Variants in TCAIM observed in about 807,000 individuals in gnomAD.
TCAIM encodes the protein T-cell activation inhibitor, mitochondrial.
A neutral mutation model predicts 58.6 loss-of-function variants in TCAIM; 36 were observed. The ratio of observed to expected loss-of-function variants is 0.61; its 90% CI spans 0.47 to 0.81. TCAIM has a LOEUF of 0.81. Among genes scored for constraint, TCAIM ranks in the 30% least tolerant of loss-of-function variants. The pLI, the probability that TCAIM is intolerant of heterozygous loss-of-function variation, is 0.00. For synonymous variants in TCAIM, 172 were observed against 193.6 expected, an observed-to-expected ratio of 0.89 and a Z score of 0.93; for missense variants, 466 against 579.6, an observed-to-expected ratio of 0.80 and a Z score of 2.01.
At chr3:44,352,207 T>C (rs1701107451) in intron 1 of TCAIM, among the ~76,000 whole-genome samples, 1 of 151,710 alleles carries the variant, frequency 6.6e-6, no homozygotes, top group African/African-American at 2.4e-5. Context: ...TCCACAAGAA[T>C]GGAATAATGG....
chr3:44,344,995 A>G (rs1700936119), intron 1 of TCAIM, among the ~76,000 whole-genome samples: 1 of 152,112 alleles, frequency 6.6e-6, no homozygotes, highest in South Asian at 2.1e-4. Context: ...ATCTGGATGT[A>G]TACGTTCAGG....
chr3:44,378,393 C>G lies in TCAIM; in HGVS notation c.572+10685C>G, dbSNP rs555959868. 1.4e-3 allele frequency among the ~76,000 whole-genome samples: 214 copies of G among 151,360 alleles called. 1 individual carries two copies. Among genetic ancestry groups the G allele is most frequent in the Middle Eastern group, 3.5e-3 (1 of 288 alleles). On this transcript the variant is annotated intron_variant, in intron 5 of 10. Coordinates refer to ENST00000342649, the MANE Select transcript of TCAIM (RefSeq NM_173826.4). ...AGACTCTGTCCCCAACCCTACCCCC[C>G]CAAAAAAAAAATTTTACAAGCAAAA...
chr3:44,380,566 A>G (rs1701639911), intron 5 of TCAIM, among the ~76,000 whole-genome samples: 1 of 152,176 alleles, frequency 6.6e-6, no homozygotes. Context: ...TCAACAATCT[A>G]ACTGTACACC....
intron 1 of TCAIM, among the ~76,000 whole-genome samples, chr3:44,349,404 T>A (rs1016985304): frequency 6.6e-6 from 1 of 152,096 alleles, no homozygotes; most frequent in Admixed American, 6.5e-5. Flanking sequence ...GGTTTTAGGT[T>A]AGGTGTGAGT....
intron 4 of TCAIM, among the ~76,000 whole-genome samples, chr3:44,366,463 G>GTTTT (rs11310204): frequency 3.9e-4 from 32 of 83,018 alleles, no homozygotes; most frequent in African/African-American, 8.9e-4. Flanking sequence ...AATTTTTGTT[G>GTTTT]TTTTTTTTTT....
chr3:44,343,747 A>G (rs1249106506), intron 1 of TCAIM, among the ~76,000 whole-genome samples: 2 of 152,158 alleles, frequency 1.3e-5, no homozygotes, highest in Non-Finnish European at 2.9e-5. Context: ...GAAAACACCT[A>G]ATTCTCAACC....
chr3:44,362,574 C>A (rs778097272), intron 4 of TCAIM: 2 of 395,984 alleles, frequency 5.1e-6, no homozygotes, highest in Non-Finnish European at 4.5e-6. Flanking sequence ...TCAGGAGTCA[C>A]AAATTCCTTT....
chr3:44,354,537 C>G (rs1200509536), intron 1 of TCAIM, among the ~76,000 whole-genome samples: 1 of 152,116 alleles, frequency 6.6e-6, no homozygotes, highest in Non-Finnish European at 1.5e-5. Flanking sequence ...TCTTGCTATC[C>G]ATGAACATGG....
chr3:44,398,360 A>G (rs6441839), intron 8 of TCAIM, among the ~76,000 whole-genome samples: 131,708 of 152,040 alleles, frequency 0.87, 57,450 homozygotes, highest in East Asian at 1. Context: ...AACCCGGGAG[A>G]CGGAAGTTGC....
intron 4 of TCAIM, among the ~76,000 whole-genome samples, chr3:44,367,201 A>G (rs1364401843): frequency 6.6e-6 from 1 of 152,202 alleles, no homozygotes; most frequent in Non-Finnish European, 1.5e-5. Flanking sequence ...GCCAAACTAG[A>G]AAATGGAGCT....
chr3:44,370,455 C>CA (rs60988313), intron 5 of TCAIM, among the ~76,000 whole-genome samples: 30,249 of 87,836 alleles, frequency 0.34, 3,610 homozygotes, highest in Non-Finnish European at 0.37. Flanking sequence ...GACTCTGTCT[C>CA]AAAAAAAAAA....
chr3:44,379,651 T>C (rs1701624533), intron 5 of TCAIM, among the ~76,000 whole-genome samples: 1 of 152,052 alleles, frequency 6.6e-6, no homozygotes, highest in South Asian at 2.1e-4. Context: ...ATGTCCTCAC[T>C]TATAAGTGGG....
chr3:44,357,987 T>C, intron 3 of TCAIM, 111 bp downstream of exon 3: 1 of 1,414,598 alleles, frequency 7.1e-7, no homozygotes, highest in Non-Finnish European at 9.4e-7. Flanking sequence ...TGTGGTGATA[T>C]AATCAATGCT....
rs1177088395 is a variant in TCAIM, at chr3:44,361,473, A to G, written c.274A>G (p.Thr92Ala). Residue 92 changes from threonine to alanine, a missense_variant, in exon 4 of 11, where the codon ACA becomes GCA. By Grantham distance (58) the Thr-to-Ala change is moderately conservative. Transcript: ENST00000342649. ...TCAGCTTACATTTTATGTAAGAGAA[A>G]CAGACCAGAGTTCCTCCGATGGCCA... ...PTQLTFYVRE[T>A]DQSSSDGQEP... 2.0e-5 allele frequency: 32 copies of G among 1,611,246 alleles called. No homozygotes were observed. Among genetic ancestry groups the G allele is most frequent in the Non-Finnish European group, 2.7e-5 (32 of 1,178,958 alleles).
intron 5 of TCAIM, among the ~76,000 whole-genome samples, chr3:44,377,180 G>A (rs1386992637): frequency 1.3e-5 from 2 of 152,138 alleles, no homozygotes; most frequent in African/African-American, 4.8e-5. Context: ...AAGTGAAAGG[G>A]TGGAAAAAGA....
At chr3:44,403,446 A>G (rs1191330828) in intron 10 of TCAIM, among the ~76,000 whole-genome samples, 2 of 152,122 alleles carry the variant, frequency 1.3e-5, no homozygotes, top group Non-Finnish European at 2.9e-5. Context: ...ATCACACCCT[A>G]CCTCTTGATT....
intron 1 of TCAIM, among the ~76,000 whole-genome samples, chr3:44,348,473 G>C (rs1701018581): frequency 6.6e-6 from 1 of 152,228 alleles, no homozygotes; most frequent in Non-Finnish European, 1.5e-5. Context: ...CAGATTTCTA[G>C]CACTTGAAGC....
chr3:44,396,950 T>A, intron 8 of TCAIM, 116 bp downstream of exon 8: 1 of 916,432 alleles, frequency 1.1e-6, no homozygotes, highest in Non-Finnish European at 1.6e-6. Flanking sequence ...TTTTGTTTTT[T>A]AATGTTTTTA....
intron 1 of TCAIM, among the ~76,000 whole-genome samples, chr3:44,339,490 T>C (rs879375137): frequency 6.6e-6 from 1 of 152,246 alleles, no homozygotes; most frequent in African/African-American, 2.4e-5. Flanking sequence ...GATTTTTCAC[T>C]GATTTAGGTA....
Sources: allele counts gnomAD v4.1 joint callset (sites outside exome capture counted in the v4.1 genomes callset), GRCh38; gene constraint gnomAD v4.1.1; transcripts MANE v1.5; gene names NCBI Gene and HGNC (gene_info 2026-07-23, HGNC 2026-07-21).